The following TC2N variants were observed in gnomAD, a reference collection of about 807,000 sequenced individuals.
TC2N encodes the protein tandem C2 domains nuclear protein.
In TC2N, 51 loss-of-function variants were observed where a neutral mutation model predicts 61.9. The ratio of observed to expected loss-of-function variants is 0.82; its 90% CI spans 0.66 to 1.04. The LOEUF (loss-of-function observed/expected upper bound fraction) is 1.04, where lower values mean the gene tolerates loss of function less well. TC2N is among the 50% of genes least tolerant of loss of function. The probability of loss-of-function intolerance (pLI) is 0.00; values close to 1 mark genes in which losing one functional copy is unlikely to be tolerated. For missense variants in TC2N, 556 were observed against 566.7 expected, an observed-to-expected ratio of 0.98 and a Z score of 0.19; for synonymous variants, 204 against 192.6, an observed-to-expected ratio of 1.06 and a Z score of -0.49.
chr14:91,812,453 G>T lies in TC2N; in HGVS notation c.160C>A (p.Gln54Lys). 1 of 1,611,820 alleles carries T rather than the reference G, an allele frequency of 6.2e-7. No homozygotes were observed. The highest frequency in any genetic ancestry group is 8.5e-7 in the Non-Finnish European group (1 of 1,178,358). The stretch of plus-strand genomic sequence containing the variant: ...AAATAATCCTCAGTACAGCCAAGCT[G>T]AGGCTTTACAGAAACAGAAGTCAAT... Reference protein sequence around the residue: ...PPLTSVSVKPQLGCTEDYLLS... With the variant: ...PPLTSVSVKPKLGCTEDYLLS... The change falls in exon 3 of 12, where the codon CAG becomes AAG. Residue 54 changes from glutamine to lysine, a missense_variant. Physicochemically the swap from Gln to Lys is moderately conservative, Grantham distance 53 (BLOSUM62 1). Coordinates refer to ENST00000435962, the MANE Select transcript of TC2N (RefSeq NM_001128596.3).
intron 1 of TC2N, among the ~76,000 whole-genome samples, chr14:91,845,978 C>G (rs902464476): frequency 6.6e-6 from 1 of 152,206 alleles, no homozygotes; most frequent in Non-Finnish European, 1.5e-5. Flanking sequence ...ACACAAGGTA[C>G]AAATTGCTGG....
chr14:91,823,275 C>A (rs1211753321), intron 1 of TC2N, among the ~76,000 whole-genome samples: 2 of 151,748 alleles, frequency 1.3e-5, no homozygotes, highest in Admixed American at 1.3e-4. Context: ...AGTCCCAGCA[C>A]TTTGGGAGGC....
At chr14:91,784,509 T>G (rs1043587530) in intron 11 of TC2N, among the ~76,000 whole-genome samples, 1 of 152,108 alleles carries the variant, frequency 6.6e-6, no homozygotes, top group Non-Finnish European at 1.5e-5. Flanking sequence ...AAACCAATAA[T>G]ATAGATTTTG....
chr14:91,802,569 T>C (rs1278975147), intron 3 of TC2N, 148 bp from the exon 4 acceptor site: 1 of 681,530 alleles, frequency 1.5e-6, no homozygotes, highest in Non-Finnish European at 2.4e-6. Context: ...TCAGCACATA[T>C]TTAGGGAGTT....
chr14:91,829,051 TA>T (rs34714993), intron 1 of TC2N, among the ~76,000 whole-genome samples: 15,718 of 144,534 alleles, frequency 0.11, 828 homozygotes, highest in South Asian at 0.25. Flanking sequence ...ACTGTTCTTT[TA>T]AAAAAAAAAA....
chr14:91,782,030 T>G lies in TC2N; in HGVS notation c.*1070A>C, dbSNP rs1379343082. On this transcript the variant is annotated 3_prime_UTR_variant, in exon 12 of 12. Transcript: ENST00000435962. ...CTTATTAGCAAAAATAAAGTGAGAT[T>G]TTCTAAAATCAGGTATAATGTCATC... 6.6e-6 allele frequency: 1 copy of G among 151,858 alleles called. No homozygotes were observed. Among genetic ancestry groups the G allele is most frequent in the Non-Finnish European group, 1.5e-5 (1 of 67,890 alleles). The allele number at this position is 151,858 out of a possible 1,614,324, so 9.4% of individuals were successfully genotyped here. A position where few individuals can be genotyped will look rare whatever the true frequency, so the allele number is the denominator to read the frequency against.
intron 1 of TC2N, among the ~76,000 whole-genome samples, chr14:91,856,135 A>C (rs1566791061): frequency 6.6e-6 from 1 of 152,202 alleles, no homozygotes; most frequent in Non-Finnish European, 1.5e-5. Flanking sequence ...AAAAAGCACC[A>C]GCTCTTTGGG....
intron 3 of TC2N, among the ~76,000 whole-genome samples, chr14:91,802,805 C>A (rs1327567006): frequency 6.6e-6 from 1 of 151,344 alleles, no homozygotes; most frequent in Non-Finnish European, 1.5e-5. Context: ...TGACCACATG[C>A]TGAGATACAC....
chr14:91,857,103 C>G (rs1391482666), intron 1 of TC2N, among the ~76,000 whole-genome samples: 1 of 152,230 alleles, frequency 6.6e-6, no homozygotes, highest in Non-Finnish European at 1.5e-5. Flanking sequence ...ATGCCCCACT[C>G]CAACCTCAGA....
intron 1 of TC2N, among the ~76,000 whole-genome samples, chr14:91,844,535 G>A (rs538007834): frequency 2.0e-4 from 30 of 151,718 alleles, no homozygotes; most frequent in African/African-American, 3.4e-4. Flanking sequence ...AGGCCGAGGC[G>A]GGCAGATCAT....
At chr14:91,806,301 G>A (rs1404035539) in intron 3 of TC2N, among the ~76,000 whole-genome samples, 1 of 152,170 alleles carries the variant, frequency 6.6e-6, no homozygotes, top group East Asian at 1.9e-4. Flanking sequence ...CTGCTGTAAA[G>A]ATACCCAAAA....
At chr14:91,855,160 G>A (rs1888459394) in intron 1 of TC2N, among the ~76,000 whole-genome samples, 1 of 152,116 alleles carries the variant, frequency 6.6e-6, no homozygotes, top group Non-Finnish European at 1.5e-5. Flanking sequence ...AGGGATGGAG[G>A]GCTGAAAAGC....
chr14:91,814,103 A>G (rs1234962294), intron 1 of TC2N, among the ~76,000 whole-genome samples: 1 of 151,522 alleles, frequency 6.6e-6, no homozygotes, highest in African/African-American at 2.4e-5. Flanking sequence ...ACGAAAAATA[A>G]GATGGAAGAT....
chr14:91,786,992 C>T (rs1158759369), intron 10 of TC2N, among the ~76,000 whole-genome samples: 1 of 152,026 alleles, frequency 6.6e-6, no homozygotes, highest in Non-Finnish European at 1.5e-5. Flanking sequence ...TTTTGCCTGC[C>T]CCCATACAGT....
At chr14:91,831,607 T>G (rs1887774310) in intron 1 of TC2N, among the ~76,000 whole-genome samples, 1 of 152,100 alleles carries the variant, frequency 6.6e-6, no homozygotes, top group African/African-American at 2.4e-5. Flanking sequence ...TGTAGATCAC[T>G]GAAATGAAAA....
chr14:91,803,221 A>G (rs1469728149), intron 3 of TC2N, among the ~76,000 whole-genome samples: 1 of 152,098 alleles, frequency 6.6e-6, no homozygotes, highest in South Asian at 2.1e-4. Flanking sequence ...TCACAAAAAA[A>G]TTAGTTCCAT....
intron 1 of TC2N, among the ~76,000 whole-genome samples, chr14:91,822,892 T>C (rs1887320544): frequency 6.6e-6 from 1 of 151,584 alleles, no homozygotes; most frequent in Admixed American, 6.6e-5. Context: ...TTTTTTGTAT[T>C]TTTTAGTAGA....
intron 1 of TC2N, among the ~76,000 whole-genome samples, chr14:91,814,153 T>TGAGAGA (rs145840886): frequency 2.2e-4 from 32 of 146,110 alleles, no homozygotes; most frequent in African/African-American, 7.5e-4. Context: ...GGTGTGTTTA[T>TGAGAGA]GAGAGAGAGA....
chr14:91,804,465 T>C (rs1251514969), intron 3 of TC2N, among the ~76,000 whole-genome samples: 1 of 152,108 alleles, frequency 6.6e-6, no homozygotes, highest in Non-Finnish European at 1.5e-5. Flanking sequence ...AAAATAGATA[T>C]AGTATATACT....
Sources: allele counts gnomAD v4.1 joint callset (sites outside exome capture counted in the v4.1 genomes callset), GRCh38; gene constraint gnomAD v4.1.1; transcripts MANE v1.5; gene names NCBI Gene and HGNC (gene_info 2026-07-23, HGNC 2026-07-21).